CCT6A: variants seen among roughly 807,000 people sequenced by gnomAD.
The protein encoded by CCT6A is T-complex protein 1 subunit zeta.
CCT6A carries 6 observed loss-of-function variants against 58.6 expected under a neutral mutation model. The observed-to-expected ratio is 0.10, with a 90% CI of 0.06 to 0.20. The LOEUF (loss-of-function observed/expected upper bound fraction) is 0.20, where lower values mean the gene tolerates loss of function less well. CCT6A is among the 10% of genes least tolerant of loss of function. The probability of loss-of-function intolerance (pLI) is 1.00; values close to 1 mark genes in which losing one functional copy is unlikely to be tolerated. For missense variants in CCT6A, 516 were observed against 648.8 expected, an observed-to-expected ratio of 0.80 and a Z score of 2.22; for synonymous variants, 245 against 227.8, an observed-to-expected ratio of 1.08 and a Z score of -0.68.
intron 5 of CCT6A, among the ~76,000 whole-genome samples, chr7:56,057,361 GGTGT>G (rs55848963): frequency 6.6e-6 from 1 of 150,766 alleles, no homozygotes; most frequent in Non-Finnish European, 1.5e-5. Context: ...TTCCCTTTGG[GGTGT>G]GTGTGTGTGT....
rs997341189 is a variant in CCT6A, at chr7:56,055,984, T to C, written c.510+187T>C. The C allele has an allele frequency of 5.6e-6, 3 of 538,648 alleles. No individual in the cohort carries two copies. In the Admixed American group the frequency reaches 1.1e-4, roughly 20 times the overall value. The allele number at this position is 538,648 out of a possible 1,614,324, so 33.4% of individuals were successfully genotyped here. On this transcript the variant is annotated intron_variant, in intron 4 of 13. Transcript: ENST00000275603. ...AAAATAATAGTATACCTAACCAGGT[T>C]ATAAAAGTAAAATTGAAGCTTTCAT...
intron 11 of CCT6A, 139 bp downstream of exon 11, chr7:56,061,079 CTCA>C (rs1187804319): frequency 4.6e-6 from 4 of 867,228 alleles, no homozygotes; most frequent in Non-Finnish European, 6.8e-6. Flanking sequence ...ACAGGTATTC[CTCA>C]TCATCCAGAT....
chr7:56,054,678 C>CT (rs910269900), intron 3 of CCT6A, among the ~76,000 whole-genome samples, 175 bp downstream of exon 3: 2 of 152,122 alleles, frequency 1.3e-5, no homozygotes, highest in Non-Finnish European at 2.9e-5. Flanking sequence ...GTTATAGAAC[C>CT]TTTCTTGGCC....
Position 56,058,116 on chromosome 7 carries a change from C to T in CCT6A, c.725+13C>T, listed in dbSNP as rs779638409. On this transcript the variant is annotated intron_variant, in intron 6 of 13. Transcript: ENST00000275603. ...AGTATGAGAAAACGTAAGTTTATAG[C>T]CCCTTAACAGTGAAATGGAGAAGCT... The T allele has an allele frequency of 4.3e-6, 6 of 1,394,536 alleles. No individual in the cohort carries two copies. Among genetic ancestry groups the T allele is most frequent in the Admixed American group, 3.5e-5 (2 of 57,158 alleles). 86.4% of individuals were successfully genotyped at this position (1,394,536 alleles called of 1,614,324 possible). A position where few individuals can be genotyped will look rare whatever the true frequency, so the allele number is the denominator to read the frequency against.
At chr7:56,059,773 C>T (rs1210436003) in intron 9 of CCT6A, 133 bp downstream of exon 9, 1 of 581,018 alleles carries the variant, frequency 1.7e-6, no homozygotes, top group Non-Finnish European at 3.1e-6. Context: ...ACTACAGCCT[C>T]ATCTTCCTGG....
At chr7:56,052,885 C>G (rs1204071035) in intron 2 of CCT6A, among the ~76,000 whole-genome samples, 2 of 151,970 alleles carry the variant, frequency 1.3e-5, no homozygotes. Flanking sequence ...CCTCTCCCTC[C>G]CGGGTTCAAG....
At position 56,058,808 on chromosome 7, in the gene CCT6A, TA is replaced by T. The variant is rs1794369248; in HGVS notation, c.968+108del. The T allele has an allele frequency of 3.4e-5, 23 of 686,560 alleles. No homozygotes were observed. The East Asian group carries it at 5.9e-4, about 18-fold the overall frequency. 42.5% of individuals were successfully genotyped at this position (686,560 alleles called of 1,614,324 possible). A position where few individuals can be genotyped will look rare whatever the true frequency, so the allele number is the denominator to read the frequency against. The stretch of plus-strand genomic sequence containing the variant: ...TTTCAACTGTATAGTTAATTGGCAT[TA>T]ACTATATTCACATTGTGCACCCCGT... On this transcript the variant is annotated intron_variant, in intron 8 of 13. Coordinates refer to ENST00000275603, the MANE Select transcript of CCT6A (RefSeq NM_001762.4).
In CCT6A at chr7:56,055,729, C is replaced by T; in HGVS notation, c.442C>T (p.Leu148Phe). The change falls in exon 4 of 14, where the codon CTT (leucine) becomes TTT (phenylalanine). Residue 148 changes from leucine to phenylalanine, a missense_variant. By Grantham distance (22) the Leu-to-Phe change is conservative. Transcript: ENST00000275603. ...KVSREMDRET[L>F]IDVARTSLRT... ...AAGCAGAGAGATGGACAGGGAAACA[C>T]TTATAGATGTGGCCAGAACATCTCT... is the stretch of plus-strand genomic sequence containing the variant. The T allele has an allele frequency of 6.2e-7, 1 of 1,613,756 alleles. No individual in the cohort carries two copies. Among genetic ancestry groups the T allele is most frequent in the South Asian group, 1.1e-5 (1 of 91,068 alleles).
intron 1 of CCT6A, 62 bp from the exon 2 acceptor site, chr7:56,052,360 A>G: frequency 2.0e-6 from 3 of 1,477,544 alleles, no homozygotes; most frequent in East Asian, 2.3e-5. Flanking sequence ...CCCGTTTTCT[A>G]ATGGGACTTT....
rs1199226920 is a variant in CCT6A at position 56,055,678 on chromosome 7, C to T, written c.391C>T (p.Leu131Phe). The T allele has an allele frequency of 1.9e-6, 3 of 1,613,716 alleles. No individual in the cohort carries two copies. The African/African-American group carries it at 4.0e-5, about 22-fold the overall frequency. Residue 131 changes from leucine (L) to phenylalanine (F), a missense_variant, in exon 4 of 14, where the codon CTT becomes TTT. Leu to Phe is a conservative substitution (Grantham distance 22, BLOSUM62 0). Transcript: ENST00000275603. Reference sequence around the variant, plus strand: ...ATTTGAAGCTGCAAAGGAAAAGGCCCTTCAGTTTTTGGAAGAAGTCAAAGT... The same window carrying T: ...ATTTGAAGCTGCAAAGGAAAAGGCCTTTCAGTTTTTGGAAGAAGTCAAAGT... ...EGFEAAKEKALQFLEEVKVSR... is the reference protein window; with the variant it reads ...EGFEAAKEKAFQFLEEVKVSR...
In CCT6A at chr7:56,051,799, G is replaced by A; in HGVS notation, c.-50G>A. The A allele has an allele frequency of 5.2e-6, 8 of 1,536,916 alleles. No homozygotes were observed. The highest frequency in any genetic ancestry group is 2.6e-5 in the East Asian group (1 of 39,096). ...GGATAGTTCCTCCCGGCCACGCCGC[G>A]CCGGCTCTGGGCACTCAGCATCGTT... is the stretch of plus-strand genomic sequence containing the variant. On this transcript the variant is annotated 5_prime_UTR_variant, in exon 1 of 14. Transcript: ENST00000275603.
intron 10 of CCT6A, 36 bp downstream of exon 10, chr7:56,060,452 GT>G: frequency 6.2e-7 from 1 of 1,608,026 alleles, no homozygotes; most frequent in Admixed American, 1.7e-5. Flanking sequence ...CTTTTATATT[GT>G]TTTGCTGGTC....
chr7:56,051,877 A>C lies in CCT6A; in HGVS notation c.29A>C (p.Lys10Thr). The change falls in exon 1 of 14, where the codon AAG becomes ACG. Residue 10 changes from lysine (K) to threonine (T), a missense_variant. By Grantham distance (78) the Lys-to-Thr change is moderately conservative. Coordinates refer to ENST00000275603, the MANE Select transcript of CCT6A (RefSeq NM_001762.4). The part of the protein sequence containing the change: MAAVKTLNP[K>T]AEVARAQAAL... ...GCGGCGGTGAAGACCCTGAACCCCAAGGCCGAGGTGGCCCGAGCGCAGGCG... is the reference window on the plus strand; with the variant it reads ...GCGGCGGTGAAGACCCTGAACCCCACGGCCGAGGTGGCCCGAGCGCAGGCG... 1 of 1,560,794 alleles carries C rather than the reference A, an allele frequency of 6.4e-7. No individual in the cohort carries two copies. Among genetic ancestry groups the C allele is most frequent in the East Asian group, 2.4e-5 (1 of 41,512 alleles).
intron 2 of CCT6A, 76 bp from the exon 3 acceptor site, chr7:56,054,293 C>T (rs1794258218): frequency 7.0e-6 from 9 of 1,289,170 alleles, no homozygotes; most frequent in Non-Finnish European, 9.8e-6. Context: ...CAAAGAGGCC[C>T]TTCCTGCATT....
intron 9 of CCT6A, chr7:56,060,045 AT>A (rs1794400560): frequency 1.9e-6 from 1 of 538,130 alleles, no homozygotes; most frequent in African/African-American, 1.9e-5. Context: ...TCAGGATCAG[AT>A]TTTTGTTTAT....
At chr7:56,056,744 AAAAAT>A (rs1794316082) in intron 5 of CCT6A, among the ~76,000 whole-genome samples, 1 of 151,636 alleles carries the variant, frequency 6.6e-6, no homozygotes, top group Admixed American at 6.6e-5. Flanking sequence ...AACAAAAACA[AAAAAT>A]AAACTGTGTT....
chr7:56,059,482 G>C (rs779011342), intron 8 of CCT6A, 62 bp from the exon 9 acceptor site: 1 of 841,508 alleles, frequency 1.2e-6, no homozygotes, highest in Admixed American at 1.8e-5. Flanking sequence ...AAAATTACTG[G>C]TCTTATCTTT....
rs776592029 is a variant in CCT6A, at chr7:56,054,349, C to G, written c.202-20C>G. The G allele has an allele frequency of 6.3e-7, 1 of 1,585,400 alleles. No homozygotes were observed. ...CTGCTTCATATTGTTTTAAGTGATT[C>G]ATTCTTTTTCTACTTACAGCAAATT... On this transcript the variant is annotated intron_variant, in intron 2 of 13. Transcript: ENST00000275603.
intron 6 of CCT6A, 61 bp from the exon 7 acceptor site, chr7:56,058,301 G>A (rs2117342716): frequency 1.6e-6 from 2 of 1,290,286 alleles, no homozygotes; most frequent in East Asian, 4.7e-5. Context: ...GACTAATCCA[G>A]TTTCAGAAGC....
Sources: allele counts gnomAD v4.1 joint callset (sites outside exome capture counted in the v4.1 genomes callset), GRCh38; gene constraint gnomAD v4.1.1; transcripts MANE v1.5; gene names NCBI Gene and HGNC (gene_info 2026-07-23, HGNC 2026-07-21).